The following SEMA4B variants were observed in gnomAD, a reference collection of about 807,000 sequenced individuals.
SEMA4B encodes the protein semaphorin 4B.
Under a neutral mutation model 88.1 loss-of-function variants are expected in SEMA4B, and 55 were observed. That is an observed-to-expected ratio of 0.62 (90% CI 0.50 to 0.78). The LOEUF (loss-of-function observed/expected upper bound fraction) is 0.78, where lower values mean the gene tolerates loss of function less well. Among genes scored for constraint, SEMA4B ranks in the 30% least tolerant of loss-of-function variants. The pLI is 0.00. For synonymous variants in SEMA4B, 525 were observed against 473.6 expected, an observed-to-expected ratio of 1.11 and a Z score of -1.41; for missense variants, 1,062 against 1,111.9, an observed-to-expected ratio of 0.96 and a Z score of 0.64.
At chr15:90,217,345 T>C in intron 1 of SEMA4B, 94 bp from the exon 2 acceptor site, 2 of 1,334,716 alleles carry the variant, frequency 1.5e-6, no homozygotes, top group Non-Finnish European at 2.0e-6. Flanking sequence ...CCTTGCTGAT[T>C]ACCTTCCTTT....
chr15:90,209,198 A>G (rs970073365), intron 1 of SEMA4B, among the ~76,000 whole-genome samples: 1 of 152,196 alleles, frequency 6.6e-6, no homozygotes, highest in Non-Finnish European at 1.5e-5. Flanking sequence ...TGACCAGTTG[A>G]TACAAATATG....
At chr15:90,190,200 C>G (rs1393433049) in intron 1 of SEMA4B, 1 of 152,256 alleles carries the variant, frequency 6.6e-6, no homozygotes, top group Non-Finnish European at 1.5e-5. Context: ...TCTTTGGTGC[C>G]ACCCTCACAT....
rs939485440 is a variant in SEMA4B, at chr15:90,221,048, C to T, written c.550C>T (p.Arg184Cys). 5 of 1,611,028 alleles carry T rather than the reference C, an allele frequency of 3.1e-6. No individual in the cohort carries two copies. Among genetic ancestry groups the T allele is most frequent in the East Asian group, 2.2e-5 (1 of 44,798 alleles). Reference sequence around the variant, plus strand: ...TGTCCTCCTGGAAGATGGCAAGGGCCGTTGTCCCTTCGACCCGAATTTCAA... The same window carrying T: ...TGTCCTCCTGGAAGATGGCAAGGGCTGTTGTCCCTTCGACCCGAATTTCAA... ...GNVLLEDGKG[R>C]CPFDPNFKST... The change falls in exon 5 of 14, where the codon CGT becomes TGT. Residue 184 changes from arginine to cysteine, a missense_variant. Coordinates refer to ENST00000411539, the MANE Select transcript of SEMA4B (RefSeq NM_198925.4).
rs1241665824 is a variant in SEMA4B, at chr15:90,225,025, C to G, written c.1252C>G (p.Arg418Gly). 6.2e-7 allele frequency: 1 copy of G among 1,613,958 alleles called. No homozygotes were observed. Among genetic ancestry groups the G allele is most frequent in the Admixed American group, 1.7e-5 (1 of 60,026 alleles). ...CAACTCATCCCTGCAGCTCCCAGACCGCGTGCTGAACTTCCTCAAGGACCA... is the reference window on the plus strand; with the variant it reads ...CAACTCATCCCTGCAGCTCCCAGACGGCGTGCTGAACTTCCTCAAGGACCA... ...KINSSLQLPD[R>G]VLNFLKDHFL... is the part of the protein sequence containing the mutation. The change falls in exon 10 of 14, where the codon CGC (arginine) becomes GGC (glycine). Residue 418 changes from arginine (R) to glycine (G), a missense_variant. Transcript: ENST00000411539.
Position 90,221,779 on chromosome 15 carries a change from G to A in SEMA4B, c.861+14G>A, listed in dbSNP as rs1474479870. On this transcript the variant is annotated intron_variant, in intron 7 of 13. Transcript: ENST00000411539. ...CGCATCTGCAAGGTGAGGGGAACGG[G>A]CTGACAGGGTGGCCACCCCAGGGAC... 6.2e-7 allele frequency: 1 copy of A among 1,612,370 alleles called. No homozygotes were observed. The highest frequency in any genetic ancestry group is 8.5e-7 in the Non-Finnish European group (1 of 1,179,008).
intron 1 of SEMA4B, among the ~76,000 whole-genome samples, chr15:90,189,607 T>C (rs150559115): frequency 3.8e-4 from 58 of 152,292 alleles, no homozygotes; most frequent in African/African-American, 1.3e-3. Flanking sequence ...AAATATTTCA[T>C]GTCAAGGTTA....
rs778020282 is a variant in SEMA4B, at chr15:90,212,551, C to G, written c.158-4888C>G. ...CTGACCCCAAGGTGCGCCAGCCCCT[C>G]GCAGGAAGTAAAGTGCAGAAACACC... On this transcript the variant is annotated intron_variant, in intron 1 of 13. Transcript: ENST00000411539. This position sits in a 1 kb window ranked among gnomAD's most constrained non-coding sequence, Gnocchi z 4.0. Among the ~76,000 whole-genome samples, 2 of 152,162 alleles carry G rather than the reference C, an allele frequency of 1.3e-5. No homozygotes were observed. The highest frequency in any genetic ancestry group is 2.9e-5 in the Non-Finnish European group (2 of 68,032).
intron 3 of SEMA4B, chr15:90,219,268 G>T (rs1423036563): frequency 6.6e-6 from 1 of 152,156 alleles, no homozygotes; most frequent in African/African-American, 2.4e-5. Context: ...GGGCCTCAGC[G>T]ACTGAAAAGA....
chr15:90,217,892 C>G, intron 3 of SEMA4B, 63 bp downstream of exon 3: 1 of 1,443,018 alleles, frequency 6.9e-7, no homozygotes, highest in Non-Finnish European at 9.6e-7. Flanking sequence ...GACTTCCATC[C>G]AGGCCAGAGG....
chr15:90,227,067 A>G (rs1257591652), intron 12 of SEMA4B, among the ~76,000 whole-genome samples: 2 of 152,026 alleles, frequency 1.3e-5, no homozygotes, highest in African/African-American at 2.4e-5. Context: ...TTTTTGAGAC[A>G]GGGTCTCTCT....
chr15:90,214,935 A>AG, intron 1 of SEMA4B: 1 of 1,259,606 alleles, frequency 7.9e-7, no homozygotes, highest in Non-Finnish European at 1.0e-6. Flanking sequence ...TTATGGAACC[A>AG]GGCTGGGGGT....
Position 90,201,701 on chromosome 15 carries a change from C to T in SEMA4B, c.123C>T (p.Thr41=). The T allele has an allele frequency of 6.7e-7, 1 of 1,501,660 alleles. No individual in the cohort carries two copies. Among genetic ancestry groups the T allele is most frequent in the South Asian group, 1.2e-5 (1 of 80,964 alleles). The allele number at this position is 1,501,660 out of a possible 1,614,324, so 93.0% of individuals were successfully genotyped here. Reference sequence around the variant, plus strand: ...TCCTGCTGCAGCCGCCGCCTCCGACCTGGGCGCTCAGCCCCCGGATCAGCC... The same window carrying T: ...TCCTGCTGCAGCCGCCGCCTCCGACTTGGGCGCTCAGCCCCCGGATCAGCC... The part of the protein sequence containing the change: ...LLLLLQPPPP[T]WALSPRISLP... The change falls in exon 1 of 14, where the codon ACC becomes ACT. Residue 41 remains threonine, a synonymous_variant. Transcript: ENST00000411539.
chr15:90,213,273 C>T (rs1961362258), intron 1 of SEMA4B, among the ~76,000 whole-genome samples: 2 of 152,168 alleles, frequency 1.3e-5, no homozygotes, highest in Admixed American at 6.5e-5. Context: ...TAGAGGATGG[C>T]TTTGAACCCA....
chr15:90,192,213 C>T (rs968968484), intron 1 of SEMA4B, among the ~76,000 whole-genome samples: 11 of 152,344 alleles, frequency 7.2e-5, no homozygotes, highest in African/African-American at 2.6e-4. Flanking sequence ...TGGGTTCAAG[C>T]TCCACTGGGC....
rs146075443 is a variant in SEMA4B at position 90,203,478 on chromosome 15, C to T, written c.157+1743C>T. ...GTCAAAAGACGGTAGGTTTCATGTC[C>T]AACTCTGGAACTGGATGGGACAATC... On this transcript the variant is annotated intron_variant, in intron 1 of 13. Coordinates refer to ENST00000411539, the MANE Select transcript of SEMA4B (RefSeq NM_198925.4). 3.3e-5 allele frequency among the ~76,000 whole-genome samples: 5 copies of T among 152,288 alleles called. No homozygotes were observed. The East Asian group carries it at 7.7e-4, about 24-fold the overall frequency.
At chr15:90,222,096 T>A (rs1044198456) in intron 7 of SEMA4B, among the ~76,000 whole-genome samples, 8 of 151,384 alleles carry the variant, frequency 5.3e-5, no homozygotes, top group Non-Finnish European at 1.0e-4. Context: ...TGCGCCCCCA[T>A]GCCCAGCTAA....
intron 1 of SEMA4B, among the ~76,000 whole-genome samples, chr15:90,188,688 GT>G (rs1207294572): frequency 6.6e-6 from 1 of 151,306 alleles, no homozygotes; most frequent in Non-Finnish European, 1.5e-5. Context: ...TTTTTTGTTT[GT>G]TTTTTGAGAC....
chr15:90,227,740 C>A, intron 13 of SEMA4B, 98 bp downstream of exon 13: 1 of 1,468,070 alleles, frequency 6.8e-7, no homozygotes. Flanking sequence ...TTCCTCACTT[C>A]CTTGCCCCCT....
chr15:90,202,184 G>T (rs1444922743), intron 1 of SEMA4B, among the ~76,000 whole-genome samples: 1 of 152,250 alleles, frequency 6.6e-6, no homozygotes, highest in Non-Finnish European at 1.5e-5. Flanking sequence ...GTGGTGGGCG[G>T]GCAGGCGCCC....
Sources: allele counts gnomAD v4.1 joint callset (sites outside exome capture counted in the v4.1 genomes callset), GRCh38; gene constraint gnomAD v4.1.1; non-coding constraint Gnocchi (gnomAD v3.1); transcripts MANE v1.5; gene names NCBI Gene and HGNC (gene_info 2026-07-23, HGNC 2026-07-21).